The following MDM4 variants were observed in gnomAD, a reference collection of about 807,000 sequenced individuals.
The protein encoded by MDM4 is MDM4 regulator of p53, also known as protein Mdm4.
Under a neutral mutation model 60.2 loss-of-function variants are expected in MDM4, and 2 were observed. The observed-to-expected ratio is 0.03, with a 90% CI of 0.01 to 0.10. The LOEUF is 0.10. MDM4 is among the 10% of genes least tolerant of loss of function. The pLI, the probability that MDM4 is intolerant of heterozygous loss-of-function variation, is 1.00. For missense variants in MDM4, 447 were observed against 577.5 expected, an observed-to-expected ratio of 0.77 and a Z score of 2.32; for synonymous variants, 202 against 198.1, an observed-to-expected ratio of 1.02 and a Z score of -0.17.
intron 1 of MDM4, among the ~76,000 whole-genome samples, chr1:204,523,624 C>T (rs553046262): frequency 6.2e-4 from 94 of 151,720 alleles, no homozygotes; most frequent in Admixed American, 9.9e-4. Context: ...GTTGGGACTG[C>T]AGGCTCGTGC....
At chr1:204,532,089 G>A in intron 4 of MDM4, 102 bp from the exon 5 acceptor site, 2 of 701,816 alleles carry the variant, frequency 2.8e-6, no homozygotes, top group Non-Finnish European at 5.0e-6. Context: ...AGAGAGACTT[G>A]GGAGATAACA....
At chr1:204,526,241 G>A (rs1660132295) in intron 2 of MDM4, 119 bp from the exon 3 acceptor site, 1 of 782,400 alleles carries the variant, frequency 1.3e-6, no homozygotes, top group Non-Finnish European at 2.1e-6. Context: ...AGGCGACAGA[G>A]CAAGACCTTG....
chr1:204,519,881 A>G (rs1022273775), intron 1 of MDM4, among the ~76,000 whole-genome samples: 3 of 152,190 alleles, frequency 2.0e-5, no homozygotes, highest in Non-Finnish European at 4.4e-5. Flanking sequence ...TGGAATAAAT[A>G]ACAGAACGGA....
Position 204,549,093 on chromosome 1 carries a change from G to T in MDM4, c.904-20G>T. Reference sequence around the variant, plus strand: ...CATATTAACCCCCTGAGTATTAATTGGCTTCACTTGTCTTTGTAGGATGAG... The same window carrying T: ...CATATTAACCCCCTGAGTATTAATTTGCTTCACTTGTCTTTGTAGGATGAG... On this transcript the variant is annotated intron_variant, in intron 10 of 10. Coordinates refer to ENST00000367182, the MANE Select transcript of MDM4 (RefSeq NM_002393.5). 1 of 1,464,580 alleles carries T rather than the reference G, an allele frequency of 6.8e-7. No homozygotes were observed. Among genetic ancestry groups the T allele is most frequent in the Non-Finnish European group, 9.4e-7 (1 of 1,062,170 alleles). The allele number at this position is 1,464,580 out of a possible 1,614,324, so 90.7% of individuals were successfully genotyped here. A position where few individuals can be genotyped will look rare whatever the true frequency, so the allele number is the denominator to read the frequency against.
At chr1:204,527,382 G>A (rs550719593) in intron 3 of MDM4, among the ~76,000 whole-genome samples, 1 of 152,076 alleles carries the variant, frequency 6.6e-6, no homozygotes, top group East Asian at 1.9e-4. Flanking sequence ...TGTCAGATAT[G>A]GTGGCTCACG....
chr1:204,527,869 T>A (rs1660375501), intron 3 of MDM4, among the ~76,000 whole-genome samples: 1 of 151,986 alleles, frequency 6.6e-6, no homozygotes, highest in African/African-American at 2.4e-5. Context: ...TCAGGCTTTT[T>A]TTTTTTTCGA....
chr1:204,518,848 TAG>T (rs1659261980), intron 1 of MDM4, among the ~76,000 whole-genome samples: 1 of 152,156 alleles, frequency 6.6e-6, no homozygotes, highest in African/African-American at 2.4e-5. Flanking sequence ...GTATTTTCAG[TAG>T]AGAGAGGTTT....
chr1:204,527,643 C>CA (rs55900130), intron 3 of MDM4, among the ~76,000 whole-genome samples: 24,800 of 109,254 alleles, frequency 0.23, 2,524 homozygotes, highest in East Asian at 0.42. Flanking sequence ...AACTCCATCT[C>CA]AAAAAAAAAA....
chr1:204,531,336 T>A (rs1253419304), intron 4 of MDM4, among the ~76,000 whole-genome samples: 3 of 152,042 alleles, frequency 2.0e-5, no homozygotes, highest in Non-Finnish European at 4.4e-5. Context: ...ATGAGAGAAA[T>A]GTAGAATTGC....
At chr1:204,529,430 G>GC in intron 3 of MDM4, 1 of 1,462,204 alleles carries the variant, frequency 6.8e-7, no homozygotes, top group Non-Finnish European at 9.5e-7. Flanking sequence ...GACCATAGGG[G>GC]CCCCCTGGAG....
intron 1 of MDM4, among the ~76,000 whole-genome samples, chr1:204,517,902 C>G (rs1659158177): frequency 6.6e-6 from 1 of 151,654 alleles, no homozygotes; most frequent in Non-Finnish European, 1.5e-5. Context: ...TGGCTCACAC[C>G]TTTAATCCCA....
intron 2 of MDM4, 27 bp from the exon 3 acceptor site, chr1:204,526,333 A>G (rs1334538301): frequency 6.3e-7 from 1 of 1,575,026 alleles, no homozygotes; most frequent in Non-Finnish European, 8.7e-7. Context: ...AAATGTAAAT[A>G]GCACATTTAT....
chr1:204,529,369 C>T (rs938477045), intron 3 of MDM4: 2 of 926,534 alleles, frequency 2.2e-6, no homozygotes, highest in Non-Finnish European at 3.6e-6. Context: ...GGGGAGCCAC[C>T]CTGTCCATGA....
At chr1:204,542,671 A>C in intron 7 of MDM4, 113 bp from the exon 8 acceptor site, 1 of 773,172 alleles carries the variant, frequency 1.3e-6, no homozygotes, top group Admixed American at 3.3e-5. Context: ...TTTCTTTCTT[A>C]GAACAGGAAT....
chr1:204,546,291 C>T (rs989172778), intron 9 of MDM4, among the ~76,000 whole-genome samples: 6 of 152,154 alleles, frequency 3.9e-5, no homozygotes, highest in African/African-American at 1.4e-4. Flanking sequence ...CAAGCCGGAA[C>T]TCTTGGGCTC....
chr1:204,525,446 C>T, intron 1 of MDM4, 38 bp from the exon 2 acceptor site: 2 of 1,538,826 alleles, frequency 1.3e-6, no homozygotes, highest in Non-Finnish European at 1.7e-6. Flanking sequence ...GAATTTTCTG[C>T]ATTAGAATAG....
At chr1:204,542,180 A>G (rs1488187890) in intron 7 of MDM4, among the ~76,000 whole-genome samples, 1 of 152,202 alleles carries the variant, frequency 6.6e-6, no homozygotes, top group African/African-American at 2.4e-5. Flanking sequence ...TATTTGGACA[A>G]CCTAGAGTTT....
In MDM4 at chr1:204,529,570, G is replaced by T. The variant is rs945376664; in HGVS notation, c.154-1114G>T. 13 of 1,446,086 alleles carry T rather than the reference G, an allele frequency of 9.0e-6. No homozygotes were observed. In the South Asian group the frequency reaches 1.5e-4, roughly 16 times the overall value. The allele number at this position is 1,446,086 out of a possible 1,614,324, so 89.6% of individuals were successfully genotyped here. On this transcript the variant is annotated intron_variant, in intron 3 of 10. Coordinates refer to ENST00000367182, the MANE Select transcript of MDM4 (RefSeq NM_002393.5). ...GCAGGACCCCCATAGCCACCACCAG[G>T]GGGTAGCACGCTGCCATACTGCCCT... is the stretch of plus-strand genomic sequence containing the variant.
In MDM4 at chr1:204,538,346, C is replaced by T. The variant is rs375176538; in HGVS notation, c.511+38C>T. 1.3e-5 allele frequency: 14 copies of T among 1,056,316 alleles called. No individual in the cohort carries two copies. In the African/African-American group the frequency reaches 2.1e-4, roughly 16 times the overall value. 65.4% of individuals were successfully genotyped at this position (1,056,316 alleles called of 1,614,324 possible). On this transcript the variant is annotated intron_variant, in intron 7 of 10. Coordinates refer to ENST00000367182, the MANE Select transcript of MDM4 (RefSeq NM_002393.5). ...TTAAGGCTATATAGACTTTTGTTCT[C>T]TTCCTCTTCCAACCTTTTTATTTTT... is the stretch of plus-strand genomic sequence containing the variant.
Sources: gnomAD v4.1 joint callset for allele counts (sites outside exome capture counted in the v4.1 genomes callset) on GRCh38, gnomAD v4.1.1 for gene constraint, MANE v1.5 for transcripts, NCBI Gene and HGNC (gene_info 2026-07-23, HGNC 2026-07-21) for gene names.